ASB14: variants seen among roughly 807,000 people sequenced by gnomAD.
ASB14 encodes the protein ankyrin repeat and SOCS box containing 14.
ASB14 carries 63 observed loss-of-function variants against 55.6 expected under a neutral mutation model. The ratio of observed to expected loss-of-function variants is 1.13; its 90% confidence interval spans 0.92 to 1.40. The LOEUF is 1.40. Among genes scored for constraint, ASB14 ranks in the 40% most tolerant of loss-of-function variants. The pLI is 0.00. For synonymous variants in ASB14, 256 were observed against 259.9 expected (o/e 0.98, Z 0.15); for missense variants, 724 against 710.4 (o/e 1.02, Z -0.22).
intron 9 of ASB14, 41 bp downstream of exon 9, chr3:57,277,726 A>T: frequency 6.5e-7 from 1 of 1,531,048 alleles, no homozygotes. Context: ...GAATACAATT[A>T]GTACTTTTGT....
At chr3:57,280,939 T>C (rs189118178) in intron 6 of ASB14, among the ~76,000 whole-genome samples, 207 of 152,288 alleles carry the variant, frequency 1.4e-3, no homozygotes, top group Non-Finnish European at 2.6e-3. Context: ...TAGGAGACAC[T>C]GTAACTGTTT....
At chr3:57,289,567 A>G (rs771990713) in intron 2 of ASB14, among the ~76,000 whole-genome samples, 11 of 152,144 alleles carry the variant, frequency 7.2e-5, no homozygotes, top group Non-Finnish European at 7.4e-5. Context: ...ATTCACAGTC[A>G]GAATGTGTGC....
rs548893613 is a variant in ASB14 at position 57,278,418 on chromosome 3, T to A, written c.1390A>T (p.Thr464Ser). Reference protein sequence around the residue: ...PHGDKVHPSYTVEGWTSTVIK... With the variant: ...PHGDKVHPSYSVEGWTSTVIK... Reference sequence around the variant, plus strand: ...ACTGTAGATGTCCAGCCTTCAACAGTATAGGAAGGATGGACTTTGTCTCCA... The same window carrying A: ...ACTGTAGATGTCCAGCCTTCAACAGAATAGGAAGGATGGACTTTGTCTCCA... The change falls in exon 8 of 11, where the codon ACT becomes TCT. Residue 464 changes from threonine to serine, a missense_variant. Coordinates refer to ENST00000487349, the MANE Select transcript of ASB14 (RefSeq NM_001142733.3). 6 of 1,614,046 alleles carry A rather than the reference T, an allele frequency of 3.7e-6. No homozygotes were observed. The highest frequency in any genetic ancestry group is 1.6e-4 in the Middle Eastern group (1 of 6,062).
At position 57,281,593 on chromosome 3, in the gene ASB14, A is replaced by G. The variant is rs116413167; in HGVS notation, c.716-1120T>C. 2.3e-3 allele frequency among the ~76,000 whole-genome samples: 352 copies of G among 152,304 alleles called. 1 individual carries two copies. Among genetic ancestry groups the G allele is most frequent in the African/African-American group, 8.0e-3 (331 of 41,564 alleles). The stretch of plus-strand genomic sequence containing the variant: ...ATTCCAAGAATGCCTTAGAAGTCCA[A>G]TAAGCCTCTGCTTATTGAGTGCCCA... On this transcript the variant is annotated intron_variant, in intron 6 of 10. Transcript: ENST00000487349.
Position 57,278,876 on chromosome 3 carries a change from T to C in ASB14, c.932A>G (p.Lys311Arg). Residue 311 changes from lysine to arginine, a missense_variant, in exon 8 of 11, where the codon AAG becomes AGG. Transcript: ENST00000487349. Reference protein sequence around the residue: ...LIPVTDLAAIKQSGISPVHCA... With the variant: ...LIPVTDLAAIRQSGISPVHCA... ...GTGAACTGGACTGATCCCACTCTGC[T>C]TAATGGCAGCAAGATCCGTAACTGG... 6.2e-7 allele frequency: 1 copy of C among 1,613,774 alleles called. No homozygotes were observed. The highest frequency in any genetic ancestry group is 8.5e-7 in the Non-Finnish European group (1 of 1,179,944).
rs1388290965 is a variant in ASB14, at chr3:57,280,415, A to T, written c.774T>A (p.Ser258Arg). The part of the protein sequence containing the change: ...DSSSILLEAA[S>R]GGNPDAVALL... ...GAGCCACAGCATCTGGATTTCCTCCACTTGCGGCTTCAAGTAAGATGGAAG... is the reference window on the plus strand; with the variant it reads ...GAGCCACAGCATCTGGATTTCCTCCTCTTGCGGCTTCAAGTAAGATGGAAG... The change falls in exon 7 of 11, where the codon AGT becomes AGA. Residue 258 changes from serine to arginine, a missense_variant. Ser to Arg is a moderately radical substitution (Grantham distance 110, BLOSUM62 -1). Coordinates refer to ENST00000487349, the MANE Select transcript of ASB14 (RefSeq NM_001142733.3). 7.1e-6 allele frequency: 11 copies of T among 1,551,418 alleles called. No homozygotes were observed. The highest frequency in any genetic ancestry group is 8.7e-6 in the Non-Finnish European group (10 of 1,146,848).
rs898109449 is a variant in ASB14 at position 57,278,817 on chromosome 3, C to G, written c.991G>C (p.Glu331Gln). ...TCAAATCCAGCCTGGATGAGGAGTT[C>G]CAGGCACTGAGGATGTGCTCCTGCT... ...AAAGAHPQCL[E>Q]LLIQAGFDVN... Residue 331 changes from glutamate to glutamine, a missense_variant, in exon 8 of 11, where the codon GAA becomes CAA. Transcript: ENST00000487349. 8.1e-6 allele frequency: 13 copies of G among 1,613,452 alleles called. No homozygotes were observed. The highest frequency in any genetic ancestry group is 1.1e-5 in the Non-Finnish European group (13 of 1,179,774).
At position 57,287,953 on chromosome 3, in the gene ASB14, A is replaced by G; in HGVS notation, c.417T>C (p.Asn139=). The change falls in exon 5 of 11, where the codon AAT becomes AAC. Residue 139 remains asparagine, a synonymous_variant. Coordinates refer to ENST00000487349, the MANE Select transcript of ASB14 (RefSeq NM_001142733.3). The part of the protein sequence containing the change: ...LLENATFLLL[N]GCNPNAKNFE... ...AATTCTTAGCATTTGGATTGCAGCC[A>G]TTGAGAAGAAGAAAAGTGGCATTTT... is the stretch of plus-strand genomic sequence containing the variant. 1 of 1,537,310 alleles carries G rather than the reference A, an allele frequency of 6.5e-7. No homozygotes were observed. The highest frequency in any genetic ancestry group is 8.7e-7 in the Non-Finnish European group (1 of 1,146,916).
At chr3:57,279,264 C>CTTTTTTTTTT (rs869152915) in intron 7 of ASB14, among the ~76,000 whole-genome samples, 10 of 88,030 alleles carry the variant, frequency 1.1e-4, no homozygotes, top group South Asian at 5.0e-4. Flanking sequence ...AAGAGTTTTT[C>CTTTTTTTTTT]TTTTTTTTTT....
intron 5 of ASB14, among the ~76,000 whole-genome samples, chr3:57,287,068 G>A (rs1040213365): frequency 2.6e-5 from 4 of 152,194 alleles, no homozygotes; most frequent in African/African-American, 9.7e-5. Flanking sequence ...GGAAGTTAAT[G>A]ACAATTTCCC....
chr3:57,275,759 T>G (rs1439339784), intron 10 of ASB14, among the ~76,000 whole-genome samples: 1 of 152,212 alleles, frequency 6.6e-6, no homozygotes, highest in Non-Finnish European at 1.5e-5. Flanking sequence ...TACTACACAC[T>G]AGGCCATGTG....
At chr3:57,290,715 A>G (rs751943187) in intron 2 of ASB14, among the ~76,000 whole-genome samples, 4 of 152,218 alleles carry the variant, frequency 2.6e-5, no homozygotes, top group Non-Finnish European at 4.4e-5. Context: ...AAACATTTCA[A>G]TACTCTCCTT....
intron 2 of ASB14, among the ~76,000 whole-genome samples, chr3:57,290,563 T>G (rs1198502048): frequency 6.6e-6 from 1 of 152,216 alleles, no homozygotes; most frequent in African/African-American, 2.4e-5. Flanking sequence ...GATGGGACCA[T>G]TACTCCACAT....
At chr3:57,291,820 G>T in intron 2 of ASB14, 92 bp downstream of exon 2, 2 of 1,159,138 alleles carry the variant, frequency 1.7e-6, no homozygotes, top group Non-Finnish European at 1.2e-6. Context: ...TGACCCTCCT[G>T]TTTTTGTCAC....
In ASB14 at chr3:57,268,357, T is replaced by C. The variant is rs770951989; in HGVS notation, c.*1284A>G. On this transcript the variant is annotated 3_prime_UTR_variant, in exon 11 of 11. Transcript: ENST00000487349. ...CTGAAATGTCTAAAATTTAAAGTTA[T>C]TTCATATTTAATTCATTAGTTTTAT... 8 of 1,477,134 alleles carry C rather than the reference T, an allele frequency of 5.4e-6. 1 individual carries two copies. The highest frequency in any genetic ancestry group is 5.0e-5 in the South Asian group (4 of 79,796). 91.5% of individuals were successfully genotyped at this position (1,477,134 alleles called of 1,614,324 possible). A position where few individuals can be genotyped will look rare whatever the true frequency, so the allele number is the denominator to read the frequency against.
chr3:57,278,238 ATTATTTTATCATAT>A, intron 8 of ASB14, 125 bp downstream of exon 8: 1 of 659,302 alleles, frequency 1.5e-6, no homozygotes, highest in Non-Finnish European at 2.5e-6. Flanking sequence ...TTTTATCATA[ATTATTTTATCATAT>A]AATTATTATA....
chr3:57,273,131 AC>A (rs2060957241), intron 10 of ASB14: 1 of 152,642 alleles, frequency 6.6e-6, no homozygotes, highest in Non-Finnish European at 1.5e-5. Flanking sequence ...CATGAAATTT[AC>A]TTCAGTTAAT....
intron 10 of ASB14, chr3:57,271,570 T>C (rs913487152): frequency 2.6e-5 from 4 of 152,202 alleles, no homozygotes; most frequent in African/African-American, 9.7e-5. Context: ...ATACTACAAA[T>C]TGTCACCTCA....
intron 5 of ASB14, 35 bp from the exon 6 acceptor site, chr3:57,283,474 G>A (rs1467502320): frequency 6.5e-6 from 10 of 1,539,418 alleles, no homozygotes; most frequent in Admixed American, 2.0e-5. Flanking sequence ...CATGTTCAAC[G>A]GGAAGTTAAG....
Sources: allele counts gnomAD v4.1 joint callset (sites outside exome capture counted in the v4.1 genomes callset), GRCh38; gene constraint gnomAD v4.1.1; transcripts MANE v1.5; gene names NCBI Gene and HGNC (gene_info 2026-07-23, HGNC 2026-07-21).